Variants in KIF19 observed in about 807,000 individuals in gnomAD.
KIF19 encodes the protein kinesin family member 19.
A neutral mutation model predicts 106.6 loss-of-function variants in KIF19; 98 were observed. The ratio of observed to expected loss-of-function variants is 0.92; its 90% CI spans 0.78 to 1.09. The LOEUF (loss-of-function observed/expected upper bound fraction) is 1.09, where lower values mean the gene tolerates loss of function less well. Among genes scored for constraint, KIF19 ranks in the 50% least tolerant of loss-of-function variants. The pLI, the probability that KIF19 is intolerant of heterozygous loss-of-function variation, is 0.00. For synonymous variants in KIF19, 516 were observed against 584.2 expected (o/e 0.88, Z 1.68); for missense variants, 1,373 against 1,414.3 (o/e 0.97, Z 0.47).
intron 1 of KIF19, among the ~76,000 whole-genome samples, chr17:74,327,673 G>A (rs552001203): frequency 1.1e-4 from 16 of 152,170 alleles, no homozygotes; most frequent in African/African-American, 2.6e-4. Flanking sequence ...GTGTTTCGCC[G>A]TGTTGGCCAG....
At chr17:74,337,508 A>G (rs1004754065) in intron 2 of KIF19, among the ~76,000 whole-genome samples, 8 of 152,156 alleles carry the variant, frequency 5.3e-5, no homozygotes, top group African/African-American at 1.7e-4. Flanking sequence ...CAGTGATCTG[A>G]GCTGAGAACC....
At chr17:74,345,483 A>G (rs532637828) in intron 7 of KIF19, among the ~76,000 whole-genome samples, 1 of 152,206 alleles carries the variant, frequency 6.6e-6, no homozygotes, top group Admixed American at 6.5e-5. Flanking sequence ...GTCCCCTCTC[A>G]TGAAGCTTGG....
chr17:74,345,107 G>A (rs112674750), intron 7 of KIF19, among the ~76,000 whole-genome samples, 152 bp downstream of exon 7: 3 of 152,198 alleles, frequency 2.0e-5, no homozygotes, highest in Admixed American at 6.5e-5. Context: ...TCTCAGCTTC[G>A]TAGGAGTTGG....
chr17:74,349,139 C>A lies in KIF19; in HGVS notation c.1048-45C>A, dbSNP rs2054615598. 4 of 1,610,262 alleles carry A rather than the reference C, an allele frequency of 2.5e-6. No individual in the cohort carries two copies. In the East Asian group the frequency reaches 8.9e-5, roughly 36 times the overall value. ...CTGCAGGCAGGCCTCGGTGAGTGCA[C>A]CTGGGGTGACTGCATCCCCTCCGCT... On this transcript the variant is annotated intron_variant, in intron 9 of 19. Coordinates refer to ENST00000389916, the MANE Select transcript of KIF19 (RefSeq NM_153209.4).
chr17:74,354,782 C>A lies in KIF19; in HGVS notation c.2707C>A (p.Leu903Ile). The A allele has an allele frequency of 6.4e-7, 1 of 1,555,002 alleles. No homozygotes were observed. Among genetic ancestry groups the A allele is most frequent in the South Asian group, 1.2e-5 (1 of 84,254 alleles). Residue 903 changes from leucine to isoleucine, a missense_variant and splice_region_variant, in exon 19 of 20, where the codon CTC becomes ATC. By Grantham distance (5) the Leu-to-Ile change is conservative. Coordinates refer to ENST00000389916, the MANE Select transcript of KIF19 (RefSeq NM_153209.4). ...SRSFEVTGQG[L>I]SHPKTHLLGP... is the part of the protein sequence containing the mutation. Reference sequence around the variant, plus strand: ...TCACCCCACTGTTCAACCATCACAGCTCTCCCACCCCAAGACACACCTCCT... The same window carrying A: ...TCACCCCACTGTTCAACCATCACAGATCTCCCACCCCAAGACACACCTCCT...
At chr17:74,347,594 G>A (rs1226187437) in intron 8 of KIF19, among the ~76,000 whole-genome samples, 183 bp from the exon 9 acceptor site, 1 of 151,830 alleles carries the variant, frequency 6.6e-6, no homozygotes, top group Non-Finnish European at 1.5e-5. Context: ...TTACACAGCT[G>A]GTAATTGCTG....
At position 74,350,727 on chromosome 17, in the gene KIF19, G is replaced by A. The variant is rs144705601; in HGVS notation, c.1409G>A (p.Arg470His). 30 of 1,613,766 alleles carry A rather than the reference G, an allele frequency of 1.9e-5. No homozygotes were observed. The highest frequency in any genetic ancestry group is 1.6e-4 in the Middle Eastern group (1 of 6,084). The change falls in exon 12 of 20, where the codon CGC becomes CAC. Residue 470 changes from arginine to histidine, a missense_variant. Coordinates refer to ENST00000389916, the MANE Select transcript of KIF19 (RefSeq NM_153209.4). ...TIAGWKHEKS[R>H]RALKWREEQR... ...GGCAGCTGGAAGCATGAGAAGTCCC[G>A]CCGGGCCCTCAAATGGCGGGAGGAG... is the stretch of plus-strand genomic sequence containing the variant.
At position 74,352,250 on chromosome 17, in the gene KIF19, A is replaced by G. The variant is rs781369224; in HGVS notation, c.1890A>G (p.Glu630=). 1 of 1,613,002 alleles carries G rather than the reference A, an allele frequency of 6.2e-7. No homozygotes were observed. The highest frequency in any genetic ancestry group is 2.2e-5 in the East Asian group (1 of 44,862). ...DYNLAVPQRL[E]ELYEVYLREL... is the part of the protein sequence containing the mutation. ...ACCTGGCCGTCCCGCAGCGCCTGGA[A>G]GAGCTCTACGAAGTGTACCTGCGGG... The change falls in exon 14 of 20, where the codon GAA becomes GAG. Residue 630 remains glutamate, a synonymous_variant. Transcript: ENST00000389916.
chr17:74,345,210 G>A (rs1475934201), intron 7 of KIF19, among the ~76,000 whole-genome samples: 2 of 152,140 alleles, frequency 1.3e-5, no homozygotes, highest in East Asian at 1.9e-4. Flanking sequence ...GGGTTGGGGG[G>A]AATGGGGTAG....
intron 2 of KIF19, among the ~76,000 whole-genome samples, chr17:74,332,214 G>T (rs11655893): frequency 0.079 from 4,265 of 53,700 alleles, 93 homozygotes; most frequent in Middle Eastern, 0.18. Flanking sequence ...GTGTGTTTGT[G>T]TGTGTGTGTG....
At chr17:74,352,633 G>A (rs1487633943) in intron 14 of KIF19, among the ~76,000 whole-genome samples, 188 bp from the exon 15 acceptor site, 1 of 152,186 alleles carries the variant, frequency 6.6e-6, no homozygotes, top group Non-Finnish European at 1.5e-5. Context: ...CCAAGCATCA[G>A]GCAGTGCCAC....
intron 17 of KIF19, 93 bp downstream of exon 17, chr17:74,353,674 T>TTGGCAGTGCAGAG: frequency 8.9e-6 from 9 of 1,014,092 alleles, no homozygotes; most frequent in Non-Finnish European, 1.4e-5. Flanking sequence ...CCCTCTGCAC[T>TTGGCAGTGCAGAG]GCCAAGTGCA....
At chr17:74,340,369 C>T (rs943854215) in intron 2 of KIF19, among the ~76,000 whole-genome samples, 1 of 152,190 alleles carries the variant, frequency 6.6e-6, no homozygotes, top group African/African-American at 2.4e-5. Context: ...TCCTCTGCAT[C>T]TCTGCATAGA....
At chr17:74,333,863 C>CTTTT (rs368776098) in intron 2 of KIF19, among the ~76,000 whole-genome samples, 16 of 132,636 alleles carry the variant, frequency 1.2e-4, no homozygotes, top group African/African-American at 4.0e-4. Context: ...CTTTTTTTTT[C>CTTTT]TTTTTTTTTT....
At chr17:74,332,811 G>GA (rs1295734806) in intron 2 of KIF19, among the ~76,000 whole-genome samples, 1 of 152,218 alleles carries the variant, frequency 6.6e-6, no homozygotes, top group Non-Finnish European at 1.5e-5. Context: ...TACAGCCTGG[G>GA]ACCCAGGAAC....
Position 74,350,919 on chromosome 17 carries a change from G to A in KIF19, c.1587+14G>A, listed in dbSNP as rs1567919164. The stretch of plus-strand genomic sequence containing the variant: ...CGCAAGCAGAAGGTGTCCAGGGTTT[G>A]GGGGGACAAGGAGAGTGGGTTTAGG... On this transcript the variant is annotated intron_variant, in intron 12 of 19. Transcript: ENST00000389916. 6.2e-7 allele frequency: 1 copy of A among 1,612,530 alleles called. No homozygotes were observed. The highest frequency in any genetic ancestry group is 1.3e-5 in the African/African-American group (1 of 74,926).
rs937775721 is a variant in KIF19, at chr17:74,354,199, G to T, written c.2346G>T (p.Trp782Cys). The change falls in exon 18 of 20, where the codon TGG (tryptophan) becomes TGT (cysteine). Residue 782 changes from tryptophan (W) to cysteine (C), a missense_variant. By Grantham distance (215) the Trp-to-Cys change is radical. This residue lies in a region of KIF19 where 1,020 missense variants were observed against 1,008.2 expected (regional missense o/e 1.01). Coordinates refer to ENST00000389916, the MANE Select transcript of KIF19 (RefSeq NM_153209.4). ...TCCTGACTGGCACCAAGTGCATCTG[G>T]GTGAAGGCCGCCCGGCGGCGCTCGC... ...KEILTGTKCI[W>C]VKAARRRSRA... The T allele has an allele frequency of 3.1e-6, 5 of 1,609,566 alleles. No homozygotes were observed. Among genetic ancestry groups the T allele is most frequent in the Non-Finnish European group, 4.2e-6 (5 of 1,179,538 alleles).
chr17:74,347,048 G>A (rs2054552353), intron 8 of KIF19, among the ~76,000 whole-genome samples: 1 of 152,196 alleles, frequency 6.6e-6, no homozygotes, highest in African/African-American at 2.4e-5. Flanking sequence ...TTGCAGATGA[G>A]GAAACTGAGG....
In KIF19 at chr17:74,350,527, C is replaced by T. The variant is rs771796736; in HGVS notation, c.1340C>T (p.Ala447Val). Residue 447 changes from alanine to valine, a missense_variant, in exon 11 of 20, where the codon GCC (alanine) becomes GTC (valine). Ala to Val is a moderately conservative substitution (Grantham distance 64, BLOSUM62 0). This residue lies in a region of KIF19 where 1,020 missense variants were observed against 1,008.2 expected (regional missense o/e 1.01). Transcript: ENST00000389916. ...CGCCTGCTGGAGCTGGAGAACCGCG[C>T]CATGGAGGTCCAGATTGACACCTCC... ...RRRLLELENR[A>V]MEVQIDTSRH... The T allele has an allele frequency of 1.9e-6, 3 of 1,612,932 alleles. No homozygotes were observed. Among genetic ancestry groups the T allele is most frequent in the Non-Finnish European group, 2.5e-6 (3 of 1,179,854 alleles).
Sources: allele counts gnomAD v4.1 joint callset (sites outside exome capture counted in the v4.1 genomes callset), GRCh38; gene constraint gnomAD v4.1.1; regional missense constraint gnomAD v4.1.1; transcripts MANE v1.5; gene names NCBI Gene and HGNC (gene_info 2026-07-23, HGNC 2026-07-21).